The following MYOM2 variants were observed in gnomAD, a reference collection of about 807,000 sequenced individuals.
The protein encoded by MYOM2 is myomesin 2.
Under a neutral mutation model 187.6 loss-of-function variants are expected in MYOM2, and 254 were observed. The observed-to-expected ratio is 1.35, with a 90% CI of 1.22 to 1.50. MYOM2 has a LOEUF of 1.50. MYOM2 is among the 40% of genes most tolerant of loss of function. The probability of loss-of-function intolerance (pLI) is 0.00; values close to 1 mark genes in which losing one functional copy is unlikely to be tolerated. For missense variants in MYOM2, 2,796 were observed against 1,924.0 expected (o/e 1.45, Z -8.48); for synonymous variants, 981 against 753.8 (o/e 1.30, Z -4.94).
At chr8:2,052,360 A>C in intron 3 of MYOM2, 47 bp downstream of exon 3, 1 of 1,549,872 alleles carries the variant, frequency 6.5e-7, no homozygotes, top group Non-Finnish European at 8.7e-7. Context: ...GCGTGGGGTC[A>C]CAGTGGAGGG....
At chr8:2,107,216 C>T (rs992246332) in intron 23 of MYOM2, among the ~76,000 whole-genome samples, 7 of 152,068 alleles carry the variant, frequency 4.6e-5, no homozygotes, top group African/African-American at 1.2e-4. Context: ...TTGTGTGGCC[C>T]GTCATCTACC....
intron 25 of MYOM2, among the ~76,000 whole-genome samples, chr8:2,112,873 G>A (rs1192645372): frequency 1.3e-5 from 2 of 152,352 alleles, no homozygotes; most frequent in African/African-American, 4.8e-5. Flanking sequence ...GGCAAGGGCT[G>A]TGAGAGGAGT....
intron 32 of MYOM2, among the ~76,000 whole-genome samples, chr8:2,132,025 A>G (rs528067094): frequency 6.6e-6 from 1 of 152,334 alleles, no homozygotes; most frequent in East Asian, 1.9e-4. Context: ...ACATGAAACT[A>G]TATTAGGTAG....
At chr8:2,142,546 C>T (rs915575014) in intron 35 of MYOM2, 149 bp downstream of exon 35, 22 of 805,588 alleles carry the variant, frequency 2.7e-5, no homozygotes, top group African/African-American at 2.5e-4. Context: ...CACACCCTGT[C>T]CTGGAGCCCC....
At position 2,141,130 on chromosome 8, in the gene MYOM2, T is replaced by G. The variant is rs199588808; in HGVS notation, c.3965-11T>G. On this transcript the variant is annotated splice_polypyrimidine_tract_variant and intron_variant, in intron 33 of 36. Coordinates refer to ENST00000262113, the MANE Select transcript of MYOM2 (RefSeq NM_003970.4). ...GAAATGGTTAGTAACGTATGAACTA[T>G]TTCCTCACAGCTTTTGATGAAGCAT... 9.3e-6 allele frequency: 15 copies of G among 1,611,112 alleles called. No individual in the cohort carries two copies. The highest frequency in any genetic ancestry group is 1.3e-5 in the Non-Finnish European group (15 of 1,177,944).
intron 3 of MYOM2, among the ~76,000 whole-genome samples, chr8:2,056,972 C>T (rs777069047): frequency 1.2e-4 from 19 of 152,176 alleles, no homozygotes; most frequent in Non-Finnish European, 2.4e-4. Context: ...ATTAAGTTCC[C>T]GACTCTCTGA....
chr8:2,142,744 C>CCT (rs1554438307), intron 35 of MYOM2, among the ~76,000 whole-genome samples: 3 of 20,526 alleles, frequency 1.5e-4, no homozygotes, highest in African/African-American at 3.3e-4. Context: ...CTCCCTTCCT[C>CCT]CCCTCCCTCC....
chr8:2,140,308 C>T (rs1341505425), intron 32 of MYOM2, among the ~76,000 whole-genome samples: 3 of 149,032 alleles, frequency 2.0e-5, no homozygotes, highest in Admixed American at 6.7e-5. Context: ...GCCTCCCCAC[C>T]GGGGCGGTCG....
intron 14 of MYOM2, among the ~76,000 whole-genome samples, chr8:2,089,381 T>G (rs1316340988): frequency 6.6e-6 from 1 of 152,234 alleles, no homozygotes; most frequent in Non-Finnish European, 1.5e-5. Flanking sequence ...ATATTTATAG[T>G]CTTTTTCTCC....
intron 30 of MYOM2, among the ~76,000 whole-genome samples, chr8:2,123,953 A>G (rs555025583): frequency 8.1e-4 from 124 of 152,366 alleles, no homozygotes; most frequent in Non-Finnish European, 1.7e-3. Flanking sequence ...TTGAATGTAG[A>G]GTTGGATTTA....
chr8:2,057,536 T>C, intron 4 of MYOM2, 50 bp downstream of exon 4: 1 of 1,613,216 alleles, frequency 6.2e-7, no homozygotes, highest in Admixed American at 1.7e-5. Context: ...GGACTAGATC[T>C]TAGCTTGTCT....
chr8:2,075,816 C>G (rs1380390993), intron 10 of MYOM2, among the ~76,000 whole-genome samples: 1 of 152,200 alleles, frequency 6.6e-6, no homozygotes, highest in East Asian at 1.9e-4. Context: ...ACTGTTTCAT[C>G]CGCACATTTT....
chr8:2,115,993 A>C lies in MYOM2; in HGVS notation c.3214A>C (p.Ile1072Leu). ...AATTAAATGTGACAAAGCTACTGGC[A>C]TTATTGAGATGGTGATGGATCGATT... ...HRIKCDKATG[I>L]IEMVMDRFSI... The change falls in exon 26 of 37, where the codon ATT (isoleucine) becomes CTT (leucine). Residue 1072 changes from isoleucine (I) to leucine (L), a missense_variant. Coordinates refer to ENST00000262113, the MANE Select transcript of MYOM2 (RefSeq NM_003970.4). 6.2e-7 allele frequency: 1 copy of C among 1,614,088 alleles called. No individual in the cohort carries two copies.
intron 11 of MYOM2, among the ~76,000 whole-genome samples, chr8:2,077,035 G>C (rs1000261661): frequency 6.6e-6 from 1 of 152,188 alleles, no homozygotes; most frequent in Non-Finnish European, 1.5e-5. Context: ...GTTCTGGCTG[G>C]GCACGGTGGC....
chr8:2,045,297 C>T (rs973875842), intron 1 of MYOM2, 129 bp downstream of exon 1: 1 of 152,258 alleles, frequency 6.6e-6, no homozygotes. Flanking sequence ...CACCCCGTCG[C>T]AGGCACCCTT....
chr8:2,121,746 T>C (rs1406279992), intron 28 of MYOM2, among the ~76,000 whole-genome samples: 2 of 152,198 alleles, frequency 1.3e-5, no homozygotes, highest in Non-Finnish European at 1.5e-5. Context: ...ACCACAATCA[T>C]AAACATAAGA....
intron 28 of MYOM2, among the ~76,000 whole-genome samples, chr8:2,120,552 C>G (rs563497787): frequency 9.1e-4 from 135 of 149,008 alleles, no homozygotes; most frequent in Middle Eastern, 3.4e-3. Flanking sequence ...GTTGAACACA[C>G]CCTAGATAGG....
At chr8:2,078,536 A>G (rs1156888079) in intron 11 of MYOM2, among the ~76,000 whole-genome samples, 198 bp from the exon 12 acceptor site, 1 of 151,982 alleles carries the variant, frequency 6.6e-6, no homozygotes, top group Non-Finnish European at 1.5e-5. Flanking sequence ...ATTACATATA[A>G]TATATATATT....
intron 27 of MYOM2, among the ~76,000 whole-genome samples, chr8:2,117,369 T>C (rs1797283350): frequency 6.6e-6 from 1 of 152,196 alleles, no homozygotes; most frequent in Non-Finnish European, 1.5e-5. Flanking sequence ...ATGATTAACA[T>C]TTTTTAAAAA....
Sources: allele counts gnomAD v4.1 joint callset (sites outside exome capture counted in the v4.1 genomes callset), GRCh38; gene constraint gnomAD v4.1.1; transcripts MANE v1.5; gene names NCBI Gene and HGNC (gene_info 2026-07-23, HGNC 2026-07-21).